The following LPCAT3 variants were observed in gnomAD, a reference collection of about 807,000 sequenced individuals.
The protein encoded by LPCAT3 is lysophosphatidylcholine acyltransferase 3.
A neutral mutation model predicts 63.4 loss-of-function variants in LPCAT3; 21 were observed. The ratio of observed to expected loss-of-function variants is 0.33; its 90% CI spans 0.23 to 0.48. The LOEUF is 0.48. Among genes scored for constraint, LPCAT3 ranks in the 20% least tolerant of loss-of-function variants. The pLI, the probability that LPCAT3 is intolerant of heterozygous loss-of-function variation, is 0.99. For missense variants in LPCAT3, 451 were observed against 590.6 expected, an observed-to-expected ratio of 0.76 and a Z score of 2.45; for synonymous variants, 242 against 227.5, an observed-to-expected ratio of 1.06 and a Z score of -0.58.
intron 7 of LPCAT3, chr12:6,979,236 A>T (rs1555153752): frequency 9.1e-6 from 5 of 550,702 alleles, no homozygotes; most frequent in Non-Finnish European, 1.6e-5. Flanking sequence ...CTCCTAGAGA[A>T]GGCAACGGGT....
chr12:6,986,383 A>G lies in LPCAT3; in HGVS notation c.152-2844T>C, dbSNP rs939660728. On this transcript the variant is annotated intron_variant, in intron 1 of 12. Transcript: ENST00000261407. ...CATTTTCTTTTCTATAGTTTACTTTATGGTAAGAAATACATATATAACACA... is the reference window on the plus strand; with the variant it reads ...CATTTTCTTTTCTATAGTTTACTTTGTGGTAAGAAATACATATATAACACA... Among the ~76,000 whole-genome samples, 337 of 152,304 alleles carry G rather than the reference A, an allele frequency of 2.2e-3. 1 individual carries two copies. The highest frequency in any genetic ancestry group is 7.8e-3 in the African/African-American group (322 of 41,544).
chr12:7,017,450 T>G lies in LPCAT3; in HGVS notation c.151+824A>C, dbSNP rs781960284. 6.6e-6 allele frequency among the ~76,000 whole-genome samples: 1 copy of G among 152,186 alleles called. No individual in the cohort carries two copies. ...AGCAGCAACAAGGCTGGATCTGATT[T>G]GTTTGCCTTCAAAACCCATACTTTT... On this transcript the variant is annotated intron_variant, in intron 1 of 12. Coordinates refer to ENST00000261407, the MANE Select transcript of LPCAT3 (RefSeq NM_005768.6). The surrounding 1 kb of genome is among the most constrained non-coding windows in gnomAD (Gnocchi z 4.1).
chr12:6,989,896 G>C (rs1291093392), intron 1 of LPCAT3, among the ~76,000 whole-genome samples: 1 of 152,186 alleles, frequency 6.6e-6, no homozygotes, highest in Admixed American at 6.5e-5. Flanking sequence ...AATTTGGCTG[G>C]GAGTGGTGGC....
intron 1 of LPCAT3, among the ~76,000 whole-genome samples, chr12:6,989,982 G>A (rs1033467379): frequency 6.6e-6 from 1 of 151,780 alleles, no homozygotes; most frequent in Non-Finnish European, 1.5e-5. Context: ...AGACCAGCCT[G>A]GGCAACATAG....
At chr12:7,005,798 A>G (rs2138356926) in intron 1 of LPCAT3, among the ~76,000 whole-genome samples, 1 of 152,294 alleles carries the variant, frequency 6.6e-6, no homozygotes, top group Non-Finnish European at 1.5e-5. Context: ...TTGAATTCTA[A>G]GAGTTCTTTA....
chr12:7,008,667 G>A (rs1019477146), intron 1 of LPCAT3, among the ~76,000 whole-genome samples: 2 of 151,982 alleles, frequency 1.3e-5, no homozygotes, highest in Admixed American at 6.6e-5. Flanking sequence ...CAGGAGAATT[G>A]CTGGAACCTC....
intron 1 of LPCAT3, among the ~76,000 whole-genome samples, chr12:7,000,567 G>C (rs1391150284): frequency 2.7e-5 from 3 of 109,500 alleles, no homozygotes; most frequent in Admixed American, 1.2e-4. Flanking sequence ...CAGCCTGGGA[G>C]ACAGAGTGAG....
In LPCAT3 at chr12:6,987,032, G is replaced by A. The variant is rs972462861; in HGVS notation, c.152-3493C>T. ...GGAAGCTGAGGCAGGAGAATTGCTT[G>A]AACCCAGGAGGCGGAGGTGGCAGTG... On this transcript the variant is annotated intron_variant, in intron 1 of 12. Transcript: ENST00000261407. The surrounding 1 kb of genome is among the most constrained non-coding windows in gnomAD (Gnocchi z 4.1). 1.3e-5 allele frequency among the ~76,000 whole-genome samples: 2 copies of A among 151,864 alleles called. No homozygotes were observed. The highest frequency in any genetic ancestry group is 1.3e-4 in the Admixed American group (2 of 15,242).
At chr12:6,990,559 AAATAAATT>A (rs140962088) in intron 1 of LPCAT3, among the ~76,000 whole-genome samples, 5,148 of 145,840 alleles carry the variant, frequency 0.035, 124 homozygotes, top group Middle Eastern at 0.076. Context: ...ATAAATAAAT[AAATAAATT>A]GAGCACCCCA....
intron 5 of LPCAT3, 61 bp from the exon 6 acceptor site, chr12:6,981,243 T>G: frequency 7.2e-7 from 1 of 1,390,496 alleles, no homozygotes; most frequent in Non-Finnish European, 9.9e-7. Flanking sequence ...AAGAGCCACT[T>G]TGAGTGTTCC....
intron 3 of LPCAT3, 125 bp downstream of exon 3, chr12:6,982,551 T>G: frequency 1.5e-6 from 1 of 675,854 alleles, no homozygotes; most frequent in Non-Finnish European, 2.6e-6. Flanking sequence ...GAAGTCATAC[T>G]GCTAAGTGCT....
At position 6,987,597 on chromosome 12, in the gene LPCAT3, C is replaced by T. The variant is rs1555154948; in HGVS notation, c.152-4058G>A. 1.3e-5 allele frequency among the ~76,000 whole-genome samples: 2 copies of T among 151,986 alleles called. No individual in the cohort carries two copies. The highest frequency in any genetic ancestry group is 4.8e-5 in the African/African-American group (2 of 41,356). ...TTTATTTTTACTTTTGTTTTAGTAA[C>T]GGGGTATAAATAAAAAAATATAAAA... On this transcript the variant is annotated intron_variant, in intron 1 of 12. Coordinates refer to ENST00000261407, the MANE Select transcript of LPCAT3 (RefSeq NM_005768.6). This position sits in a 1 kb window ranked among gnomAD's most constrained non-coding sequence, Gnocchi z 4.1.
intron 1 of LPCAT3, among the ~76,000 whole-genome samples, chr12:7,012,516 A>G (rs1946769976): frequency 6.6e-6 from 1 of 152,220 alleles, no homozygotes; most frequent in Non-Finnish European, 1.5e-5. Context: ...TGTCTGGTAC[A>G]CAGAAAATCC....
chr12:6,987,757 T>C lies in LPCAT3; in HGVS notation c.152-4218A>G. The C allele has an allele frequency of 2.5e-6, 1 of 400,754 alleles. No homozygotes were observed. Among genetic ancestry groups the C allele is most frequent in the Admixed American group, 4.4e-5 (1 of 22,744 alleles). The allele number at this position is 400,754 out of a possible 1,614,324, so 24.8% of individuals were successfully genotyped here. ...ACACATATTACTCTGCCTCTTTAAG[T>C]TGAATCTAATTTAACATTTTCTAGG... On this transcript the variant is annotated intron_variant, in intron 1 of 12. Coordinates refer to ENST00000261407, the MANE Select transcript of LPCAT3 (RefSeq NM_005768.6). The surrounding 1 kb of genome is among the most constrained non-coding windows in gnomAD (Gnocchi z 4.1).
intron 1 of LPCAT3, among the ~76,000 whole-genome samples, chr12:7,011,996 C>A (rs1555157269): frequency 6.6e-6 from 1 of 152,136 alleles, no homozygotes; most frequent in African/African-American, 2.4e-5. Context: ...TCTGAAGGGC[C>A]AGACCTGACT....
At chr12:6,985,089 TAAAAA>T (rs10559240) in intron 1 of LPCAT3, among the ~76,000 whole-genome samples, 3 of 112,604 alleles carry the variant, frequency 2.7e-5, no homozygotes, top group Admixed American at 9.6e-5. Context: ...CCCCATACAT[TAAAAA>T]AAAAAAAAAA....
chr12:6,999,855 T>G (rs1946668920), intron 1 of LPCAT3, among the ~76,000 whole-genome samples: 1 of 152,148 alleles, frequency 6.6e-6, no homozygotes, highest in South Asian at 2.1e-4. Context: ...TATCTGGGCT[T>G]TGGAATCAGA....
In LPCAT3 at chr12:6,977,134, C is replaced by T. The variant is rs60709620; in HGVS notation, c.*12G>A. ...TTTTAGTTTAGCTGTATTAACTTAC[C>T]AGGGAAATGGATTATTCCATCTTCT... On this transcript the variant is annotated splice_region_variant and 3_prime_UTR_variant, in exon 12 of 13. Transcript: ENST00000261407. This position sits in a 1 kb window ranked among gnomAD's most constrained non-coding sequence, Gnocchi z 4.5. The T allele has an allele frequency of 2.6e-6, 4 of 1,547,418 alleles. No homozygotes were observed. The highest frequency in any genetic ancestry group is 3.6e-6 in the Non-Finnish European group (4 of 1,124,604).
intron 1 of LPCAT3, among the ~76,000 whole-genome samples, chr12:7,012,747 G>A (rs1381096503): frequency 1.3e-5 from 2 of 152,118 alleles, no homozygotes; most frequent in Non-Finnish European, 2.9e-5. Flanking sequence ...ACCTGGAAGT[G>A]CCCTTGGAAC....
Sources: allele counts gnomAD v4.1 joint callset (sites outside exome capture counted in the v4.1 genomes callset), GRCh38; gene constraint gnomAD v4.1.1; non-coding constraint Gnocchi (gnomAD v3.1); transcripts MANE v1.5; gene names NCBI Gene and HGNC (gene_info 2026-07-23, HGNC 2026-07-21).